Variants in SMG1 observed in about 807,000 individuals in gnomAD.
SMG1 encodes the protein SMG1 nonsense mediated mRNA decay associated PI3K related kinase, also known as serine/threonine-protein kinase SMG1.
In SMG1, 22 loss-of-function variants were observed where a neutral mutation model predicts 419.9. The ratio of observed to expected loss-of-function variants is 0.05; its 90% CI spans 0.04 to 0.07. SMG1 has a LOEUF of 0.07. Among genes scored for constraint, SMG1 ranks in the 10% least tolerant of loss-of-function variants. The pLI is 1.00. For synonymous variants in SMG1, 1,538 were observed against 1,553.5 expected (o/e 0.99, Z 0.23); for missense variants, 3,185 against 4,342.0 (o/e 0.73, Z 7.49).
intron 3 of SMG1, among the ~76,000 whole-genome samples, chr16:18,895,387 G>A (rs942898816): frequency 2.6e-5 from 4 of 151,994 alleles, no homozygotes; most frequent in Admixed American, 1.3e-4. Context: ...GCTGAGGCAC[G>A]AGAATCACTT....
chr16:18,917,494 T>C (rs1444428963), intron 1 of SMG1, among the ~76,000 whole-genome samples: 2 of 151,948 alleles, frequency 1.3e-5, no homozygotes, highest in African/African-American at 2.4e-5. Context: ...CTCAGGTCCT[T>C]AGCAGCCCCT....
At chr16:18,816,671 C>A in intron 57 of SMG1, 142 bp from the exon 58 acceptor site, 2 of 645,976 alleles carry the variant, frequency 3.1e-6, no homozygotes, top group East Asian at 2.7e-5. Context: ...TAATTACCTA[C>A]AAGTTACTTA....
chr16:18,907,845 C>CAAAAAAAAA (rs71141092), intron 1 of SMG1, among the ~76,000 whole-genome samples: 1 of 54,968 alleles, frequency 1.8e-5, no homozygotes, highest in Non-Finnish European at 3.3e-5. Flanking sequence ...GAACGAGACT[C>CAAAAAAAAA]AAAAAAAAAA....
At chr16:18,895,526 C>G (rs1405861527) in intron 3 of SMG1, among the ~76,000 whole-genome samples, 2 of 151,548 alleles carry the variant, frequency 1.3e-5, no homozygotes, top group Non-Finnish European at 2.9e-5. Flanking sequence ...GAAAAGTACC[C>G]ACTCTAGGGG....
At chr16:18,853,340 T>C (rs920077197) in intron 31 of SMG1, among the ~76,000 whole-genome samples, 1 of 152,178 alleles carries the variant, frequency 6.6e-6, no homozygotes, top group Non-Finnish European at 1.5e-5. Context: ...AGGGGCAGGA[T>C]CTTATTGCCA....
At chr16:18,873,527 T>G (rs2035939725) in intron 13 of SMG1, among the ~76,000 whole-genome samples, 1 of 152,198 alleles carries the variant, frequency 6.6e-6, no homozygotes, top group Non-Finnish European at 1.5e-5. Context: ...AACGAGAACT[T>G]TCTTTACAAA....
chr16:18,852,190 A>G lies in SMG1; in HGVS notation c.4929T>C (p.Val1643=), dbSNP rs770717690. ...VVDNASQGEG[V]RLLPREKSEV... Reference sequence around the variant, plus strand: ...CAGATTTTTCTCTAGGCAGCAGACGAACACCTTCTCCCTGACTATAAAAAT... The same window carrying G: ...CAGATTTTTCTCTAGGCAGCAGACGGACACCTTCTCCCTGACTATAAAAAT... The change falls in exon 33 of 63, where the codon GTT becomes GTC. Residue 1643 remains valine (V), a synonymous_variant. Transcript: ENST00000446231. 2 of 1,613,724 alleles carry G rather than the reference A, an allele frequency of 1.2e-6. No homozygotes were observed. The highest frequency in any genetic ancestry group is 2.2e-5 in the East Asian group (1 of 44,882).
At chr16:18,923,861 T>A (rs905287818) in intron 1 of SMG1, among the ~76,000 whole-genome samples, 4 of 152,258 alleles carry the variant, frequency 2.6e-5, no homozygotes, top group East Asian at 1.9e-4. Flanking sequence ...GGGGACAGAA[T>A]CACCTCAAAT....
intron 1 of SMG1, among the ~76,000 whole-genome samples, chr16:18,919,639 T>TGTGTGA (rs2038109940): frequency 9.5e-6 from 1 of 105,306 alleles, no homozygotes; most frequent in African/African-American, 4.0e-5. Context: ...AAAAAATGTG[T>TGTGTGA]GTGTGTGTGT....
At chr16:18,895,446 TC>T (rs1428966889) in intron 3 of SMG1, among the ~76,000 whole-genome samples, 3 of 150,990 alleles carry the variant, frequency 2.0e-5, no homozygotes, top group Non-Finnish European at 4.4e-5. Flanking sequence ...AGCACTGTGC[TC>T]CAGCCTGGGT....
chr16:18,876,538 T>C, intron 12 of SMG1, 145 bp from the exon 13 acceptor site: 1 of 1,151,530 alleles, frequency 8.7e-7, no homozygotes, highest in Non-Finnish European at 1.2e-6. Context: ...ACTTAATATT[T>C]TAACTTTTTA....
chr16:18,891,243 G>A (rs987892654), intron 4 of SMG1, among the ~76,000 whole-genome samples: 1 of 152,190 alleles, frequency 6.6e-6, no homozygotes. Flanking sequence ...TGACAAGGCA[G>A]TATTTAGGGT....
intron 3 of SMG1, among the ~76,000 whole-genome samples, chr16:18,894,319 G>A (rs764670029): frequency 6.6e-5 from 10 of 151,898 alleles, no homozygotes; most frequent in African/African-American, 9.7e-5. Context: ...AGAAGAATAG[G>A]GTTTTTACAA....
At chr16:18,891,187 A>G (rs958230564) in intron 4 of SMG1, among the ~76,000 whole-genome samples, 2 of 152,236 alleles carry the variant, frequency 1.3e-5, no homozygotes, top group African/African-American at 4.8e-5. Flanking sequence ...TTTGAAATCC[A>G]TTTGAAAAAT....
Position 18,835,914 on chromosome 16 carries a change from T to C in SMG1, c.8057+19A>G, listed in dbSNP as rs2033536213. ...ACTCCGTCTCAAAAATAAAAGAAAA[T>C]TAAGCACTATCAACTTACTTCCTAT... On this transcript the variant is annotated intron_variant, in intron 48 of 62. Transcript: ENST00000446231. The C allele has an allele frequency of 9.1e-6, 14 of 1,546,704 alleles. No homozygotes were observed. Among genetic ancestry groups the C allele is most frequent in the Non-Finnish European group, 1.2e-5 (14 of 1,143,310 alleles).
rs756950548 is a variant in SMG1, at chr16:18,837,361, T to C, written c.7496A>G (p.Gln2499Arg). Reference protein sequence around the residue: ...DGSLDEYLSLQEQLTDVEKLQ... With the variant: ...DGSLDEYLSLREQLTDVEKLQ... ...TTTTTCCACATCTGTCAGTTGCTCTTGCAAGCTTAGGTATTCATCTAAGCT... is the reference window on the plus strand; with the variant it reads ...TTTTTCCACATCTGTCAGTTGCTCTCGCAAGCTTAGGTATTCATCTAAGCT... Residue 2499 changes from glutamine (Q) to arginine (R), a missense_variant, in exon 46 of 63, where the codon CAA becomes CGA. Transcript: ENST00000446231. 2 of 1,614,046 alleles carry C rather than the reference T, an allele frequency of 1.2e-6. No homozygotes were observed. Among genetic ancestry groups the C allele is most frequent in the Non-Finnish European group, 1.7e-6 (2 of 1,179,892 alleles).
intron 1 of SMG1, among the ~76,000 whole-genome samples, chr16:18,905,891 C>T (rs1170543857): frequency 6.6e-6 from 1 of 152,088 alleles, no homozygotes; most frequent in Non-Finnish European, 1.5e-5. Context: ...GAATTACAGG[C>T]GTGAGGCAAC....
rs1335576105 is a variant in SMG1, at chr16:18,856,167, CCTT to C, written c.4235-1266_4235-1264del. Among the ~76,000 whole-genome samples, 5 of 134,572 alleles carry C rather than the reference CCTT, an allele frequency of 3.7e-5. No individual in the cohort carries two copies. In the East Asian group the frequency reaches 6.2e-4, roughly 17 times the overall value. 88.3% of individuals were successfully genotyped at this position (134,572 alleles called of 152,430 possible). The stretch of plus-strand genomic sequence containing the variant: ...TCAGGTGCCCTCGTTATTTGCTGTT[CCTT>C]CTTATTTTTTGAGACCGGGTGTCAC... On this transcript the variant is annotated intron_variant, in intron 29 of 62. Coordinates refer to ENST00000446231, the MANE Select transcript of SMG1 (RefSeq NM_015092.5).
chr16:18,889,115 C>T (rs1199931967), intron 6 of SMG1, among the ~76,000 whole-genome samples: 8 of 152,190 alleles, frequency 5.3e-5, no homozygotes, highest in Non-Finnish European at 1.2e-4. Flanking sequence ...TGAGCCACCG[C>T]ACCTGGCGTG....
Sources: allele counts gnomAD v4.1 joint callset (sites outside exome capture counted in the v4.1 genomes callset), GRCh38; gene constraint gnomAD v4.1.1; transcripts MANE v1.5; gene names NCBI Gene and HGNC (gene_info 2026-07-23, HGNC 2026-07-21).